The following NSMCE2 variants were observed in gnomAD, a reference collection of about 807,000 sequenced individuals.
The protein encoded by NSMCE2 is NSE2 SUMO ligase component of SMC5/6 complex.
A neutral mutation model predicts 23.8 loss-of-function variants in NSMCE2; 24 were observed. The ratio of observed to expected loss-of-function variants is 1.01; its 90% CI spans 0.73 to 1.42. NSMCE2 has a LOEUF of 1.42. Among genes scored for constraint, NSMCE2 ranks in the 40% most tolerant of loss-of-function variants. NSMCE2 has a pLI of 0.00. For synonymous variants in NSMCE2, 92 were observed against 94.1 expected, an observed-to-expected ratio of 0.98 and a Z score of 0.13; for missense variants, 284 against 296.5, an observed-to-expected ratio of 0.96 and a Z score of 0.31.
At chr8:125,363,295 G>T (rs1295413757) in intron 7 of NSMCE2, 1 of 152,130 alleles carries the variant, frequency 6.6e-6, no homozygotes, top group Non-Finnish European at 1.5e-5. Context: ...TTGAGCTCAG[G>T]AGTTCAGGAC....
chr8:125,277,364 A>G (rs971960013), intron 5 of NSMCE2, among the ~76,000 whole-genome samples: 2 of 152,196 alleles, frequency 1.3e-5, no homozygotes, highest in Non-Finnish European at 2.9e-5. Context: ...TAGAGGCACA[A>G]TGACTAAATA....
At chr8:125,363,205 A>G (rs1229984680) in intron 7 of NSMCE2, 1 of 152,122 alleles carries the variant, frequency 6.6e-6, no homozygotes, top group Admixed American at 6.5e-5. Context: ...TTTTTTTCAT[A>G]CTTACAGACA....
At chr8:125,336,468 GA>G (rs1830065751) in intron 5 of NSMCE2, among the ~76,000 whole-genome samples, 1 of 152,190 alleles carries the variant, frequency 6.6e-6, no homozygotes, top group Non-Finnish European at 1.5e-5. Flanking sequence ...GCTTCAGCCA[GA>G]AGTTGGAGAA....
intron 5 of NSMCE2, among the ~76,000 whole-genome samples, chr8:125,253,218 C>T (rs560415895): frequency 2.9e-4 from 44 of 152,298 alleles, no homozygotes; most frequent in African/African-American, 9.9e-4. Flanking sequence ...GCTACCTGTT[C>T]CCTTCTCTTG....
intron 5 of NSMCE2, among the ~76,000 whole-genome samples, chr8:125,206,497 G>A (rs754651330): frequency 6.6e-5 from 10 of 152,206 alleles, no homozygotes; most frequent in Non-Finnish European, 1.3e-4. Flanking sequence ...GAACTGCCAT[G>A]GGCTAATTGG....
In NSMCE2 at chr8:125,333,049, T is replaced by C. The variant is rs564250966; in HGVS notation, c.419-24170T>C. On this transcript the variant is annotated intron_variant, in intron 5 of 7. Coordinates refer to ENST00000287437, the MANE Select transcript of NSMCE2 (RefSeq NM_173685.4). Reference sequence around the variant, plus strand: ...TATCATAGACATTGATTGTTGCCAGTGAGCTTCGTTCCAAAATGGGGGACC... The same window carrying C: ...TATCATAGACATTGATTGTTGCCAGCGAGCTTCGTTCCAAAATGGGGGACC... Among the ~76,000 whole-genome samples, 6 of 152,292 alleles carry C rather than the reference T, an allele frequency of 3.9e-5. 1 individual carries two copies. The South Asian group carries it at 8.3e-4, about 21-fold the overall frequency.
chr8:125,356,630 T>G (rs914978314), intron 5 of NSMCE2, among the ~76,000 whole-genome samples: 1 of 152,192 alleles, frequency 6.6e-6, no homozygotes, highest in Non-Finnish European at 1.5e-5. Context: ...ACCGGCCTTA[T>G]TGTTATTTTT....
intron 3 of NSMCE2, among the ~76,000 whole-genome samples, chr8:125,103,049 C>T (rs186041546): frequency 0.028 from 4,295 of 152,146 alleles, 70 homozygotes; most frequent in Non-Finnish European, 0.043. Flanking sequence ...CGGCAGATCA[C>T]GAGGTCAGGA....
intron 5 of NSMCE2, among the ~76,000 whole-genome samples, chr8:125,233,735 C>G (rs867265092): frequency 5.3e-5 from 8 of 152,076 alleles, no homozygotes; most frequent in African/African-American, 1.9e-4. Context: ...TCATAACTCC[C>G]AAATATATTG....
intron 5 of NSMCE2, among the ~76,000 whole-genome samples, chr8:125,274,724 G>A (rs1167168880): frequency 6.6e-6 from 1 of 152,116 alleles, no homozygotes; most frequent in Non-Finnish European, 1.5e-5. Flanking sequence ...GAGGTCAGCA[G>A]TTCGAGACCA....
intron 5 of NSMCE2, among the ~76,000 whole-genome samples, chr8:125,270,237 C>G (rs1032156908): frequency 6.6e-5 from 10 of 152,118 alleles, no homozygotes; most frequent in Non-Finnish European, 1.5e-4. Flanking sequence ...GAGGCCAAGG[C>G]AGGAGGATCA....
Position 125,197,777 on chromosome 8 carries a change from T to C in NSMCE2, c.418+15521T>C, listed in dbSNP as rs919419140. 3.3e-5 allele frequency among the ~76,000 whole-genome samples: 5 copies of C among 152,228 alleles called. No homozygotes were observed. In the South Asian group the frequency reaches 8.3e-4, roughly 25 times the overall value. On this transcript the variant is annotated intron_variant, in intron 5 of 7. Transcript: ENST00000287437. ...ATGGCATTGAATCTATAAATTACTT[T>C]GGGCAGTATGGCCATTTTCACTATA...
At chr8:125,285,999 C>T (rs1202343896) in intron 5 of NSMCE2, among the ~76,000 whole-genome samples, 3 of 151,840 alleles carry the variant, frequency 2.0e-5, no homozygotes, top group African/African-American at 7.3e-5. Context: ...TTTTTACAGC[C>T]TCCATTGCCA....
intron 5 of NSMCE2, among the ~76,000 whole-genome samples, chr8:125,317,907 A>G (rs1356494320): frequency 6.6e-6 from 1 of 152,238 alleles, no homozygotes; most frequent in East Asian, 1.9e-4. Flanking sequence ...ATATTTTTAG[A>G]TGCCCTCAGT....
At chr8:125,109,625 AT>A (rs1395839172) in intron 3 of NSMCE2, among the ~76,000 whole-genome samples, 2 of 152,162 alleles carry the variant, frequency 1.3e-5, no homozygotes, top group Non-Finnish European at 2.9e-5. Flanking sequence ...TTGTTGTATT[AT>A]TAAGTTATTG....
At chr8:125,191,797 G>A (rs556857540) in intron 5 of NSMCE2, among the ~76,000 whole-genome samples, 14 of 152,146 alleles carry the variant, frequency 9.2e-5, no homozygotes, top group East Asian at 5.8e-4. Context: ...ACATCATCTC[G>A]CGTAATCTTT....
At chr8:125,298,794 A>G (rs1440346588) in intron 5 of NSMCE2, among the ~76,000 whole-genome samples, 1 of 151,646 alleles carries the variant, frequency 6.6e-6, no homozygotes, top group African/African-American at 2.4e-5. Flanking sequence ...ACTCATGTCA[A>G]CATTGGTTCA....
At chr8:125,340,135 C>T (rs1177204098) in intron 5 of NSMCE2, among the ~76,000 whole-genome samples, 1 of 151,164 alleles carries the variant, frequency 6.6e-6, no homozygotes, top group Non-Finnish European at 1.5e-5. Context: ...CTGCCTCAGC[C>T]TCCCGAGTAG....
chr8:125,318,441 A>G (rs1328826717), intron 5 of NSMCE2, among the ~76,000 whole-genome samples: 5 of 152,218 alleles, frequency 3.3e-5, no homozygotes, highest in Non-Finnish European at 5.9e-5. Flanking sequence ...ATCAAATTGG[A>G]AAAGATGTAC....
Sources: allele counts gnomAD v4.1 joint callset (sites outside exome capture counted in the v4.1 genomes callset), GRCh38; gene constraint gnomAD v4.1.1; transcripts MANE v1.5; gene names NCBI Gene and HGNC (gene_info 2026-07-23, HGNC 2026-07-21).